KIAA1191: variants seen among roughly 807,000 people sequenced by gnomAD.
KIAA1191 encodes KIAA1191.
Under a neutral mutation model 31.1 loss-of-function variants are expected in KIAA1191, and 22 were observed. The observed-to-expected ratio is 0.71, with a 90% CI of 0.51 to 1.01. KIAA1191 has a LOEUF of 1.01. Ranked by LOEUF, KIAA1191 falls within the 50% of genes least tolerant of loss-of-function variation. The pLI, the probability that KIAA1191 is intolerant of heterozygous loss-of-function variation, is 0.00. For missense variants in KIAA1191, 319 were observed against 388.0 expected (o/e 0.82, Z 1.49); for synonymous variants, 130 against 143.9 (o/e 0.90, Z 0.69).
intron 5 of KIAA1191, among the ~76,000 whole-genome samples, chr5:176,351,773 A>C (rs1561752943): frequency 6.6e-6 from 1 of 152,020 alleles, no homozygotes; most frequent in Non-Finnish European, 1.5e-5. Flanking sequence ...AAAAAAAAAA[A>C]AGAAGAGAAA....
rs978769909 is a variant in KIAA1191 at position 176,359,405 on chromosome 5, C to T, written c.28+76G>A. ...GAGATTAACCATTAATATATAGTTC[C>T]GATAAAATGGTTTCTGTCTAGCTTA... On this transcript the variant is annotated intron_variant, in intron 3 of 8. Coordinates refer to ENST00000298569, the MANE Select transcript of KIAA1191 (RefSeq NM_020444.5). 46 of 1,324,316 alleles carry T rather than the reference C, an allele frequency of 3.5e-5. No individual in the cohort carries two copies. The Admixed American group carries it at 3.7e-4, about 11-fold the overall frequency. 82.0% of individuals were successfully genotyped at this position (1,324,316 alleles called of 1,614,324 possible). A position where few individuals can be genotyped will look rare whatever the true frequency, so the allele number is the denominator to read the frequency against.
rs1316695387 is a variant in KIAA1191, at chr5:176,348,029, G to T, written c.601C>A (p.Pro201Thr). Residue 201 changes from proline (P) to threonine (T), a missense_variant, in exon 8 of 9, where the codon CCT (proline) becomes ACT (threonine). Transcript: ENST00000298569. ...WFTSGSSTAL[P>T]GPNPSTMDSG... ...TCCATGGTGCTAGGATTTGGGCCAG[G>T]TAAGGCTGTGGAAGAACCAGAAGTG... 2.0e-5 allele frequency: 32 copies of T among 1,613,926 alleles called. No homozygotes were observed. Among genetic ancestry groups the T allele is most frequent in the Non-Finnish European group, 2.6e-5 (31 of 1,180,006 alleles).
At chr5:176,353,644 G>T (rs1767238696) in intron 4 of KIAA1191, 1 of 152,250 alleles carries the variant, frequency 6.6e-6, no homozygotes, top group Admixed American at 6.5e-5. Flanking sequence ...CTAACATGGG[G>T]AGAGTTAGGG....
intron 6 of KIAA1191, among the ~76,000 whole-genome samples, chr5:176,348,654 AG>A (rs1766729528): frequency 6.6e-6 from 1 of 151,756 alleles, no homozygotes; most frequent in Non-Finnish European, 1.5e-5. Flanking sequence ...TCCCCCAGAC[AG>A]TAAAATGGAA....
intron 5 of KIAA1191, among the ~76,000 whole-genome samples, chr5:176,351,885 T>A (rs1767043881): frequency 6.6e-6 from 1 of 151,970 alleles, no homozygotes; most frequent in Non-Finnish European, 1.5e-5. Context: ...GCTTCTGACT[T>A]CAAAAATGAG....
At chr5:176,351,427 TA>T (rs1766996759) in intron 5 of KIAA1191, among the ~76,000 whole-genome samples, 1 of 150,956 alleles carries the variant, frequency 6.6e-6, no homozygotes, top group Non-Finnish European at 1.5e-5. Flanking sequence ...GCTTGTAAAA[TA>T]AAAGTAGTGT....
intron 5 of KIAA1191, among the ~76,000 whole-genome samples, chr5:176,351,912 TCTA>T (rs1767046049): frequency 1.3e-5 from 2 of 151,910 alleles, no homozygotes; most frequent in South Asian, 4.1e-4. Flanking sequence ...AAGGAGAACC[TCTA>T]TGTACCTTAC....
chr5:176,348,434 T>C lies in KIAA1191; in HGVS notation c.460-78A>G, dbSNP rs932383921. 5 of 1,052,844 alleles carry C rather than the reference T, an allele frequency of 4.7e-6. No homozygotes were observed. The African/African-American group carries it at 8.0e-5, about 17-fold the overall frequency. 65.2% of individuals were successfully genotyped at this position (1,052,844 alleles called of 1,614,324 possible). A position where few individuals can be genotyped will look rare whatever the true frequency, so the allele number is the denominator to read the frequency against. ...ACAGATAAGTCTAGGCATAAAAAAT[T>C]TGGTTCGCATTCTAACTTTAGGCAG... On this transcript the variant is annotated intron_variant, in intron 6 of 8. Coordinates refer to ENST00000298569, the MANE Select transcript of KIAA1191 (RefSeq NM_020444.5).
intron 4 of KIAA1191, among the ~76,000 whole-genome samples, 175 bp from the exon 5 acceptor site, chr5:176,352,923 A>G (rs1767161966): frequency 6.6e-6 from 1 of 152,222 alleles, no homozygotes; most frequent in Non-Finnish European, 1.5e-5. Flanking sequence ...ATCCATAGAG[A>G]CAACAAAGAA....
rs763452312 is a variant in KIAA1191 at position 176,347,103 on chromosome 5, T to C, written c.*497A>G. The C allele has an allele frequency of 6.6e-6, 1 of 152,258 alleles. No homozygotes were observed. The highest frequency in any genetic ancestry group is 1.5e-5 in the Non-Finnish European group (1 of 68,066). 9.4% of individuals were successfully genotyped at this position (152,258 alleles called of 1,614,324 possible). A position where few individuals can be genotyped will look rare whatever the true frequency, so the allele number is the denominator to read the frequency against. ...AGTCTAACTTTAAAGCAGTACAAAA[T>C]GGCTTCTTCCACACAACAAGGGCAA... On this transcript the variant is annotated 3_prime_UTR_variant, in exon 9 of 9. Coordinates refer to ENST00000298569, the MANE Select transcript of KIAA1191 (RefSeq NM_020444.5).
intron 4 of KIAA1191, 32 bp from the exon 5 acceptor site, chr5:176,352,780 T>G (rs1259134799): frequency 6.3e-7 from 1 of 1,595,970 alleles, no homozygotes; most frequent in Non-Finnish European, 8.6e-7. Context: ...CAGAAGCACT[T>G]AGGCAGGGCA....
intron 6 of KIAA1191, among the ~76,000 whole-genome samples, chr5:176,349,830 A>G (rs2113463963): frequency 6.6e-6 from 1 of 152,290 alleles, no homozygotes; most frequent in East Asian, 1.9e-4. Flanking sequence ...AGCTTGGAAC[A>G]AGCCTGGATT....
intron 3 of KIAA1191, among the ~76,000 whole-genome samples, chr5:176,357,876 T>C (rs1767641950): frequency 6.6e-6 from 1 of 152,144 alleles, no homozygotes; most frequent in Non-Finnish European, 1.5e-5. Context: ...TCAGCTAGTA[T>C]TTACTGGAAA....
At chr5:176,348,382 CT>C in intron 6 of KIAA1191, 26 bp from the exon 7 acceptor site, 1 of 1,574,546 alleles carries the variant, frequency 6.4e-7, no homozygotes, top group Non-Finnish European at 8.7e-7. Flanking sequence ...AGAAGAGAGA[CT>C]TTTTAAAAAT....
chr5:176,354,841 T>A (rs1238930257), intron 4 of KIAA1191, among the ~76,000 whole-genome samples: 1 of 152,122 alleles, frequency 6.6e-6, no homozygotes, highest in Non-Finnish European at 1.5e-5. Context: ...GGGACCATGG[T>A]ACCGTGGGGA....
In KIAA1191 at chr5:176,347,501, GAT is replaced by G; in HGVS notation, c.*97_*98del. Reference sequence around the variant, plus strand: ...CAGGCGTGAGCCACCACGCCCAGCTGATTAAGTTTTTAAATATACCTTTCCTA... The same window carrying G: ...CAGGCGTGAGCCACCACGCCCAGCTGTAAGTTTTTAAATATACCTTTCCTA... On this transcript the variant is annotated 3_prime_UTR_variant, in exon 9 of 9. Coordinates refer to ENST00000298569, the MANE Select transcript of KIAA1191 (RefSeq NM_020444.5). 9.8e-7 allele frequency: 1 copy of G among 1,019,070 alleles called. No homozygotes were observed. The highest frequency in any genetic ancestry group is 1.4e-6 in the Non-Finnish European group (1 of 733,008). 63.1% of individuals were successfully genotyped at this position (1,019,070 alleles called of 1,614,324 possible).
At chr5:176,358,400 C>T (rs774088251) in intron 3 of KIAA1191, among the ~76,000 whole-genome samples, 14 of 152,178 alleles carry the variant, frequency 9.2e-5, no homozygotes, top group East Asian at 3.8e-4. Flanking sequence ...TATGGCTGAG[C>T]GGCTAATAAA....
At chr5:176,356,030 G>T (rs999415904) in intron 3 of KIAA1191, 3 of 362,168 alleles carry the variant, frequency 8.3e-6, no homozygotes, top group Non-Finnish European at 1.5e-5. Context: ...CTGGAGTGCA[G>T]CGGCACGATC....
intron 5 of KIAA1191, among the ~76,000 whole-genome samples, chr5:176,351,074 A>G (rs539834882): frequency 6.5e-4 from 99 of 152,282 alleles, no homozygotes; most frequent in African/African-American, 2.3e-3. Context: ...TGGATGCAGT[A>G]GCTCACACCT....
Sources: gnomAD v4.1 joint callset for allele counts (sites outside exome capture counted in the v4.1 genomes callset) on GRCh38, gnomAD v4.1.1 for gene constraint, MANE v1.5 for transcripts, NCBI Gene and HGNC (gene_info 2026-07-23, HGNC 2026-07-21) for gene names.